The following PLXNA2 variants were observed in gnomAD, a reference collection of about 807,000 sequenced individuals.
PLXNA2 encodes plexin A2.
PLXNA2 carries 91 observed loss-of-function variants against 193.5 expected under a neutral mutation model. That is an observed-to-expected ratio of 0.47 (90% CI 0.40 to 0.56). The LOEUF (loss-of-function observed/expected upper bound fraction) is 0.56, where lower values mean the gene tolerates loss of function less well. PLXNA2 is among the 20% of genes least tolerant of loss of function. The pLI, the probability that PLXNA2 is intolerant of heterozygous loss-of-function variation, is 0.00. For synonymous variants in PLXNA2, 997 were observed against 1,027.3 expected (o/e 0.97, Z 0.56); for missense variants, 1,995 against 2,503.2 (o/e 0.80, Z 4.33).
At chr1:208,080,146 C>T (rs141481757) in intron 11 of PLXNA2, among the ~76,000 whole-genome samples, 10 of 151,860 alleles carry the variant, frequency 6.6e-5, no homozygotes, top group African/African-American at 1.7e-4. Flanking sequence ...GGGTTTGAGA[C>T]GGGAGTCAGC....
At chr1:208,133,075 C>T (rs759846588) in intron 4 of PLXNA2, among the ~76,000 whole-genome samples, 10 of 152,144 alleles carry the variant, frequency 6.6e-5, no homozygotes, top group Non-Finnish European at 1.5e-4. Flanking sequence ...CTCATCTCCT[C>T]TTCTGTAAAA....
At chr1:208,174,995 C>T (rs898959097) in intron 3 of PLXNA2, among the ~76,000 whole-genome samples, 2 of 152,166 alleles carry the variant, frequency 1.3e-5, no homozygotes, top group Non-Finnish European at 2.9e-5. Flanking sequence ...CCATTTGCTG[C>T]CTCTGGGGGA....
intron 1 of PLXNA2, among the ~76,000 whole-genome samples, chr1:208,235,361 G>A (rs1321316046): frequency 7.2e-5 from 11 of 152,138 alleles, no homozygotes; most frequent in Non-Finnish European, 8.8e-5. Flanking sequence ...CCCTAGTTTC[G>A]CTTCTTATAC....
Position 208,024,547 on chromosome 1 carries a change from G to A in PLXNA2, c.*2696C>T, listed in dbSNP as rs147513543. The A allele has an allele frequency of 5.9e-3, 894 of 152,380 alleles. 10 individuals carry two copies. The highest frequency in any genetic ancestry group is 0.032 in the South Asian group (152 of 4,820). 9.4% of individuals were successfully genotyped at this position (152,380 alleles called of 1,614,324 possible). ...GCCCAAGTTCCCCAAGTCTCTCATG[G>A]AATCCTGAGAAATGTGGCCAAACCA... On this transcript the variant is annotated 3_prime_UTR_variant, in exon 32 of 32. Transcript: ENST00000367033.
At chr1:208,135,037 C>T (rs964829763) in intron 4 of PLXNA2, among the ~76,000 whole-genome samples, 1 of 152,066 alleles carries the variant, frequency 6.6e-6, no homozygotes, top group African/African-American at 2.4e-5. Context: ...TGGAGGAAAC[C>T]ACAATTAGTT....
chr1:208,098,458 T>TCTCACACACACA (rs368366958), intron 6 of PLXNA2, among the ~76,000 whole-genome samples: 3 of 123,428 alleles, frequency 2.4e-5, no homozygotes, highest in Non-Finnish European at 3.3e-5. Flanking sequence ...TCTCTCTCTC[T>TCTCACACACACA]CACACACACA....
chr1:208,186,090 C>T (rs1008924179), intron 3 of PLXNA2, among the ~76,000 whole-genome samples: 3 of 152,312 alleles, frequency 2.0e-5, no homozygotes, highest in African/African-American at 4.8e-5. Flanking sequence ...ATTCTGAGAG[C>T]GCTATCTTCA....
Position 208,042,169 on chromosome 1 carries a change from G to A in PLXNA2, c.4215C>T (p.Leu1405=). The A allele has an allele frequency of 6.2e-7, 1 of 1,614,238 alleles. No homozygotes were observed. Among genetic ancestry groups the A allele is most frequent in the Non-Finnish European group, 8.5e-7 (1 of 1,180,038 alleles). The change falls in exon 22 of 32, where the codon CTC becomes CTT. Residue 1405 remains leucine (L), a synonymous_variant. Transcript: ENST00000367033. ...CGATGAGGTCAGAGAGCAGCTGCTT[G>A]AGGACATCAGTGGCATATTCCAGGC... ...QGRLEYATDV[L]KQLLSDLIDK... is the part of the protein sequence containing the mutation.
intron 9 of PLXNA2, among the ~76,000 whole-genome samples, chr1:208,087,721 G>A (rs1336566582): frequency 6.6e-6 from 1 of 152,182 alleles, no homozygotes; most frequent in African/African-American, 2.4e-5. Flanking sequence ...ATTCTGGTGA[G>A]TATATTCATG....
At chr1:208,112,487 T>C (rs1667511830) in intron 4 of PLXNA2, among the ~76,000 whole-genome samples, 2 of 152,230 alleles carry the variant, frequency 1.3e-5, no homozygotes, top group South Asian at 2.1e-4. Context: ...GCTTACGTGA[T>C]GTCTGTACAT....
chr1:208,037,323 G>A (rs1031097743), intron 26 of PLXNA2, among the ~76,000 whole-genome samples: 7 of 152,190 alleles, frequency 4.6e-5, no homozygotes, highest in African/African-American at 1.7e-4. Flanking sequence ...AGGCGAGTCA[G>A]GGGGATGGAG....
chr1:208,106,565 T>C (rs1667277841), intron 4 of PLXNA2, among the ~76,000 whole-genome samples: 1 of 152,186 alleles, frequency 6.6e-6, no homozygotes, highest in African/African-American at 2.4e-5. Flanking sequence ...GTTTGAAATG[T>C]AGCTAGGACA....
intron 1 of PLXNA2, among the ~76,000 whole-genome samples, chr1:208,221,958 G>A (rs374504384): frequency 2.8e-4 from 42 of 152,330 alleles, no homozygotes; most frequent in African/African-American, 6.5e-4. Flanking sequence ...TAGTAGCTAC[G>A]TCATAGGATT....
chr1:208,217,994 C>T lies in PLXNA2; in HGVS notation c.-72G>A. The T allele has an allele frequency of 6.4e-7, 1 of 1,566,802 alleles. No individual in the cohort carries two copies. The highest frequency in any genetic ancestry group is 8.6e-7 in the Non-Finnish European group (1 of 1,163,250). On this transcript the variant is annotated 5_prime_UTR_variant, in exon 2 of 32. The change abolishes the stop of an existing upstream ORF in the 5' untranslated region. Coordinates refer to ENST00000367033, the MANE Select transcript of PLXNA2 (RefSeq NM_025179.4). This position sits in a 1 kb window ranked among gnomAD's most constrained non-coding sequence, Gnocchi z 4.7. ...TGCTCCACCTTCCCCGGTTGGCCCT[C>T]ACATGATTCTGCAAAACACAAGGCA...
At chr1:208,227,276 A>G (rs1248591332) in intron 1 of PLXNA2, among the ~76,000 whole-genome samples, 1 of 152,150 alleles carries the variant, frequency 6.6e-6, no homozygotes, top group Non-Finnish European at 1.5e-5. Flanking sequence ...ATTATTTATT[A>G]ACCACCTGCT....
rs180808224 is a variant in PLXNA2, at chr1:208,070,128, T to C, written c.2586+9132A>G. 7.3e-3 allele frequency among the ~76,000 whole-genome samples: 1,113 copies of C among 152,372 alleles called. 7 individuals are homozygous for C. Among genetic ancestry groups the C allele is most frequent in the Non-Finnish European group, 0.012 (846 of 68,034 alleles). Reference sequence around the variant, plus strand: ...CTTGGTCAACCACCATGAGAATGCATGCCCTGGCCTGCTCTTCGCTTCTGT... The same window carrying C: ...CTTGGTCAACCACCATGAGAATGCACGCCCTGGCCTGCTCTTCGCTTCTGT... On this transcript the variant is annotated intron_variant, in intron 12 of 31. Coordinates refer to ENST00000367033, the MANE Select transcript of PLXNA2 (RefSeq NM_025179.4).
chr1:208,160,979 T>C (rs1439915643), intron 3 of PLXNA2, among the ~76,000 whole-genome samples: 2 of 152,230 alleles, frequency 1.3e-5, no homozygotes, highest in African/African-American at 4.8e-5. Context: ...TCCCCTTTGT[T>C]ATCAAAATTC....
At chr1:208,210,894 A>G (rs991871642) in intron 2 of PLXNA2, among the ~76,000 whole-genome samples, 3 of 152,276 alleles carry the variant, frequency 2.0e-5, no homozygotes, top group Non-Finnish European at 4.4e-5. Context: ...CCAGCCCAGA[A>G]AGGGTTTCTT....
intron 26 of PLXNA2, among the ~76,000 whole-genome samples, chr1:208,037,811 T>C (rs552313516): frequency 2.0e-5 from 3 of 152,144 alleles, no homozygotes; most frequent in Admixed American, 6.5e-5. Flanking sequence ...ATCTATTCTA[T>C]ACAACTGTAC....
Sources: allele counts gnomAD v4.1 joint callset (sites outside exome capture counted in the v4.1 genomes callset), GRCh38; gene constraint gnomAD v4.1.1; non-coding constraint Gnocchi (gnomAD v3.1); transcripts MANE v1.5; gene names NCBI Gene and HGNC (gene_info 2026-07-23, HGNC 2026-07-21).